COBLL1: variants seen among roughly 807,000 people sequenced by gnomAD.
The protein encoded by COBLL1 is cordon-bleu protein-like 1.
A neutral mutation model predicts 94.8 loss-of-function variants in COBLL1; 50 were observed. The ratio of observed to expected loss-of-function variants is 0.53; its 90% confidence interval spans 0.42 to 0.67. The LOEUF is 0.67. Among genes scored for constraint, COBLL1 ranks in the 30% least tolerant of loss-of-function variants. COBLL1 has a pLI of 0.00. For synonymous variants in COBLL1, 448 were observed against 473.8 expected (o/e 0.95, Z 0.71); for missense variants, 1,362 against 1,348.7 (o/e 1.01, Z -0.15).
At chr2:164,736,792 C>T (rs1686333180) in intron 3 of COBLL1, among the ~76,000 whole-genome samples, 1 of 151,992 alleles carries the variant, frequency 6.6e-6, no homozygotes, top group South Asian at 2.1e-4. Flanking sequence ...ATAGCACGTA[C>T]AATATAATAC....
intron 2 of COBLL1, among the ~76,000 whole-genome samples, chr2:164,764,774 A>G (rs1041375024): frequency 3.3e-5 from 5 of 152,216 alleles, no homozygotes; most frequent in Non-Finnish European, 7.3e-5. Context: ...GAATGACTAC[A>G]TTGTATTGAA....
In COBLL1 at chr2:164,803,611, AGC is replaced by A. The variant is rs1171778176; in HGVS notation, c.41+37543_41+37544del. On this transcript the variant is annotated intron_variant, in intron 2 of 13. Transcript: ENST00000652658. ...TAAAATAAAATAAAATAAAATAAAA[AGC>A]AAAGTTTGACAAAACTAGCATTGCT... Among the ~76,000 whole-genome samples, 54 of 135,712 alleles carry A rather than the reference AGC, an allele frequency of 4.0e-4. 1 individual carries two copies. Among genetic ancestry groups the A allele is most frequent in the Admixed American group, 3.5e-3 (47 of 13,476 alleles). 89.0% of individuals were successfully genotyped at this position (135,712 alleles called of 152,430 possible).
At chr2:164,834,627 T>A (rs1017213975) in intron 2 of COBLL1, among the ~76,000 whole-genome samples, 1 of 152,232 alleles carries the variant, frequency 6.6e-6, no homozygotes, top group Non-Finnish European at 1.5e-5. Flanking sequence ...GCAAACTTTG[T>A]CTGTGTAGAG....
At chr2:164,777,121 C>T (rs1320174886) in intron 2 of COBLL1, among the ~76,000 whole-genome samples, 1 of 151,992 alleles carries the variant, frequency 6.6e-6, no homozygotes, top group Non-Finnish European at 1.5e-5. Context: ...TTATATGTTC[C>T]ATGATCTAAT....
intron 5 of COBLL1, chr2:164,725,149 G>T (rs1685664103): frequency 7.5e-6 from 1 of 133,718 alleles, no homozygotes; most frequent in Admixed American, 8.3e-5. Flanking sequence ...GAAAGCAGTG[G>T]TATTACTCCA....
chr2:164,835,778 C>T (rs1306664627), intron 2 of COBLL1, among the ~76,000 whole-genome samples: 1 of 152,140 alleles, frequency 6.6e-6, no homozygotes, highest in Non-Finnish European at 1.5e-5. Flanking sequence ...TAAGCATAGA[C>T]ATAATGTTTT....
chr2:164,692,493 C>T, intron 12 of COBLL1, 96 bp from the exon 13 acceptor site: 1 of 886,282 alleles, frequency 1.1e-6, no homozygotes, highest in Non-Finnish European at 1.7e-6. Context: ...CTTTAACAAT[C>T]ACCATTTGCC....
At chr2:164,689,600 C>T (rs554736166) in intron 13 of COBLL1, among the ~76,000 whole-genome samples, 4 of 152,150 alleles carry the variant, frequency 2.6e-5, no homozygotes, top group Admixed American at 6.6e-5. Flanking sequence ...AATGTAAATA[C>T]GCAGCCCAGT....
chr2:164,763,617 C>T (rs1205215813), intron 2 of COBLL1, among the ~76,000 whole-genome samples: 2 of 152,150 alleles, frequency 1.3e-5, no homozygotes, highest in Non-Finnish European at 2.9e-5. Context: ...GGTACATCCA[C>T]TTGATAAAGT....
In COBLL1 at chr2:164,680,433, C is replaced by A. The variant is rs181273615; in HGVS notation, c.*5513G>T. The A allele has an allele frequency of 1.8e-4, 28 of 152,224 alleles. No homozygotes were observed. The highest frequency in any genetic ancestry group is 5.5e-4 in the African/African-American group (23 of 41,550). 9.4% of individuals were successfully genotyped at this position (152,224 alleles called of 1,614,324 possible). On this transcript the variant is annotated 3_prime_UTR_variant, in exon 14 of 14. Transcript: ENST00000652658. ...ATCCAAAAAGTTTCTTCACTATGAA[C>A]CCTTCAGTGAACTTTTCCCCATTCA...
At position 164,790,601 on chromosome 2, in the gene COBLL1, G is replaced by A. The variant is rs537198665; in HGVS notation, c.42-46726C>T. Reference sequence around the variant, plus strand: ...TAAAGTTGAAGTTTCCACGAACCCAGTGACAACACTGAGGACTTAACTGTA... The same window carrying A: ...TAAAGTTGAAGTTTCCACGAACCCAATGACAACACTGAGGACTTAACTGTA... On this transcript the variant is annotated intron_variant, in intron 2 of 13. Coordinates refer to ENST00000652658, the MANE Select transcript of COBLL1 (RefSeq NM_001365672.2). Among the ~76,000 whole-genome samples, 3 of 152,272 alleles carry A rather than the reference G, an allele frequency of 2.0e-5. No homozygotes were observed. In the South Asian group the frequency reaches 6.2e-4, roughly 32 times the overall value.
Position 164,817,289 on chromosome 2 carries a change from T to C in COBLL1, c.41+23867A>G, listed in dbSNP as rs139749032. Among the ~76,000 whole-genome samples the C allele has an allele frequency of 9.5e-3, 1,417 of 149,648 alleles. 4 individuals are homozygous for C. The highest frequency in any genetic ancestry group is 0.021 in the African/African-American group (868 of 40,694). Reference sequence around the variant, plus strand: ...CCAAACTAAAATTGGGATGTATGAATGTGAACTTGTAATATGAAAGTTTTC... The same window carrying C: ...CCAAACTAAAATTGGGATGTATGAACGTGAACTTGTAATATGAAAGTTTTC... On this transcript the variant is annotated intron_variant, in intron 2 of 13. Coordinates refer to ENST00000652658, the MANE Select transcript of COBLL1 (RefSeq NM_001365672.2).
Position 164,685,908 on chromosome 2 carries a change from A to C in COBLL1, c.*38T>G. 1.6e-6 allele frequency: 2 copies of C among 1,252,630 alleles called. No individual in the cohort carries two copies. The highest frequency in any genetic ancestry group is 2.3e-6 in the Non-Finnish European group (2 of 859,994). The allele number at this position is 1,252,630 out of a possible 1,614,324, so 77.6% of individuals were successfully genotyped here. A position where few individuals can be genotyped will look rare whatever the true frequency, so the allele number is the denominator to read the frequency against. The stretch of plus-strand genomic sequence containing the variant: ...GTTCCATTAGTATGAAGTTGGTCTG[A>C]AGTGGAAGTGAAGTGCAGTGGTGTG... On this transcript the variant is annotated 3_prime_UTR_variant, in exon 14 of 14. Coordinates refer to ENST00000652658, the MANE Select transcript of COBLL1 (RefSeq NM_001365672.2).
At chr2:164,840,074 T>A (rs1396293837) in intron 2 of COBLL1, among the ~76,000 whole-genome samples, 5 of 152,222 alleles carry the variant, frequency 3.3e-5, no homozygotes, top group Non-Finnish European at 7.3e-5. Context: ...TGAATAAACA[T>A]GCTGTGACTT....
At chr2:164,697,782 T>G (rs575016767) in intron 11 of COBLL1, 3 of 152,220 alleles carry the variant, frequency 2.0e-5, no homozygotes, top group Admixed American at 6.5e-5. Context: ...TGATTGGCAG[T>G]CCTGGAAACC....
At chr2:164,696,323 A>AT (rs1248251997) in intron 11 of COBLL1, 1 of 152,214 alleles carries the variant, frequency 6.6e-6, no homozygotes, top group African/African-American at 2.4e-5. Flanking sequence ...GCATATTTAT[A>AT]TTTTCATACC....
intron 13 of COBLL1, chr2:164,687,742 T>C: frequency 3.2e-6 from 2 of 617,300 alleles, no homozygotes; most frequent in Non-Finnish European, 5.9e-6. Context: ...TGGGCCCCCA[T>C]AAGGAAAGGA....
At chr2:164,658,103 T>G (rs1478676512) in intron 2 of COBLL1, among the ~76,000 whole-genome samples, 1 of 152,114 alleles carries the variant, frequency 6.6e-6, no homozygotes, top group Non-Finnish European at 1.5e-5. Context: ...CTAATTAGCA[T>G]TTTAGTGAGC....
intron 2 of COBLL1, among the ~76,000 whole-genome samples, chr2:164,779,081 C>T (rs564280888): frequency 6.6e-6 from 1 of 150,862 alleles, no homozygotes; most frequent in East Asian, 1.9e-4. Flanking sequence ...TTCGCAGTCT[C>T]CAAATGAGAT....
Sources: gnomAD v4.1 joint callset for allele counts (sites outside exome capture counted in the v4.1 genomes callset) on GRCh38, gnomAD v4.1.1 for gene constraint, MANE v1.5 for transcripts, NCBI Gene and HGNC (gene_info 2026-07-23, HGNC 2026-07-21) for gene names.